DIPK1A: variants seen among roughly 807,000 people sequenced by gnomAD.
DIPK1A encodes family with sequence similarity 69 member A.
DIPK1A carries 27 observed loss-of-function variants against 40.8 expected under a neutral mutation model. The ratio of observed to expected loss-of-function variants is 0.66; its 90% confidence interval spans 0.49 to 0.91. The LOEUF (loss-of-function observed/expected upper bound fraction) is 0.91, where lower values mean the gene tolerates loss of function less well. Among genes scored for constraint, DIPK1A ranks in the 40% least tolerant of loss-of-function variants. The pLI, the probability that DIPK1A is intolerant of heterozygous loss-of-function variation, is 0.00. For missense variants in DIPK1A, 412 were observed against 505.7 expected (o/e 0.81, Z 1.78); for synonymous variants, 166 against 171.3 (o/e 0.97, Z 0.24).
At chr1:92,833,199 T>C (rs1854797) in intron 4 of DIPK1A, 158,806 of 649,854 alleles carry the variant, frequency 0.24, 21,125 homozygotes, top group African/African-American at 0.33. Context: ...ATGAAACTAC[T>C]AGTCTGTGAC....
intron 1 of DIPK1A, among the ~76,000 whole-genome samples, chr1:92,960,274 C>G (rs551866589): frequency 6.6e-6 from 1 of 152,230 alleles, no homozygotes; most frequent in South Asian, 2.1e-4. Context: ...ATGACTTACA[C>G]ATACAATTTT....
chr1:92,889,941 T>C (rs1298045660), intron 1 of DIPK1A, among the ~76,000 whole-genome samples: 1 of 152,196 alleles, frequency 6.6e-6, no homozygotes, highest in Non-Finnish European at 1.5e-5. Context: ...TGAGCCACCA[T>C]GCCCAGCTGT....
chr1:92,855,579 C>G (rs1266479242), intron 2 of DIPK1A, among the ~76,000 whole-genome samples: 3 of 151,450 alleles, frequency 2.0e-5, no homozygotes, highest in African/African-American at 7.3e-5. Context: ...TGGTGTGTGC[C>G]TGTAGTCCCA....
rs901429197 is a variant in DIPK1A at position 92,872,935 on chromosome 1, C to G, written c.189+3361G>C. Among the ~76,000 whole-genome samples, 3 of 152,092 alleles carry G rather than the reference C, an allele frequency of 2.0e-5. No homozygotes were observed. In the East Asian group the frequency reaches 5.8e-4, roughly 29 times the overall value. On this transcript the variant is annotated intron_variant, in intron 2 of 4. Coordinates refer to ENST00000370310, the MANE Select transcript of DIPK1A (RefSeq NM_001006605.5). ...AGAGCCCCGGGAATTGGCAAATATC[C>G]CAACAGGATAACTGGCTGTATGCAT...
chr1:92,912,648 C>A (rs1352153524), intron 1 of DIPK1A, among the ~76,000 whole-genome samples: 3 of 152,098 alleles, frequency 2.0e-5, no homozygotes. Context: ...AGCTTAGAGT[C>A]CAACATTCTC....
At chr1:92,924,109 T>C (rs889999247) in intron 1 of DIPK1A, among the ~76,000 whole-genome samples, 3 of 152,184 alleles carry the variant, frequency 2.0e-5, no homozygotes, top group African/African-American at 7.2e-5. Flanking sequence ...AATTTATTCT[T>C]AAGTATTTTT....
At chr1:92,834,354 AAG>A (rs1378332524) in intron 4 of DIPK1A, among the ~76,000 whole-genome samples, 1 of 152,202 alleles carries the variant, frequency 6.6e-6, no homozygotes, top group Non-Finnish European at 1.5e-5. Context: ...CTCTTGTACT[AAG>A]AGCATTCTCA....
chr1:92,850,896 T>C lies in DIPK1A; in HGVS notation c.249A>G (p.Thr83=). ...AACATTTTCCAAAGTAAAGAGTTTC[T>C]GTAACACAAAGGCTGTTACATGCAG... is the stretch of plus-strand genomic sequence containing the variant. ...DGPACNSLCV[T]ETLYFGKCLS... Residue 83 remains threonine, a synonymous_variant, in exon 3 of 5, where the codon ACA becomes ACG. Coordinates refer to ENST00000370310, the MANE Select transcript of DIPK1A (RefSeq NM_001006605.5). The C allele has an allele frequency of 6.3e-7, 1 of 1,575,662 alleles. No homozygotes were observed. Among genetic ancestry groups the C allele is most frequent in the Middle Eastern group, 1.7e-4 (1 of 6,008 alleles).
At chr1:92,889,155 C>T (rs1417305347) in intron 1 of DIPK1A, among the ~76,000 whole-genome samples, 5 of 152,282 alleles carry the variant, frequency 3.3e-5, no homozygotes, top group South Asian at 4.1e-4. Context: ...CTATTCAAGT[C>T]TTTAATCCAT....
chr1:92,910,989 G>A (rs560439799), intron 1 of DIPK1A, among the ~76,000 whole-genome samples: 24 of 151,966 alleles, frequency 1.6e-4, no homozygotes, highest in Non-Finnish European at 3.2e-4. Flanking sequence ...CCATTCCCTG[G>A]CAACCGTTAA....
At chr1:92,837,598 T>G (rs1381141260), downstream of DIPK1A, 1 of 1,612,020 alleles carries the variant, frequency 6.2e-7, no homozygotes, top group Non-Finnish European at 8.5e-7. Context: ...GAAACAGTTC[T>G]CTCAATACAT....
rs541810607 is a variant in DIPK1A, at chr1:92,847,192, A to T, written c.465T>A (p.Ser155Arg). The change falls in exon 4 of 5, where the codon AGT becomes AGA. Residue 155 changes from serine to arginine, a missense_variant. Transcript: ENST00000370310. ...TVQKFKEMVY[S>R]LFKAKLGDQG... ...GAATGGGTATGCTTACCTTAAAGAG[A>T]CTATAGACCATTTCTTTAAATTTTT... The T allele has an allele frequency of 5.8e-6, 9 of 1,551,446 alleles. No homozygotes were observed. The highest frequency in any genetic ancestry group is 7.0e-6 in the Non-Finnish European group (8 of 1,146,890).
intron 1 of DIPK1A, among the ~76,000 whole-genome samples, chr1:92,938,049 A>G (rs1651009446): frequency 6.6e-6 from 1 of 152,246 alleles, no homozygotes; most frequent in Non-Finnish European, 1.5e-5. Context: ...TTAGAAATGA[A>G]CGATTTTCAA....
At chr1:92,870,192 C>T (rs1647769712) in intron 2 of DIPK1A, among the ~76,000 whole-genome samples, 1 of 151,914 alleles carries the variant, frequency 6.6e-6, no homozygotes, top group Non-Finnish European at 1.5e-5. Flanking sequence ...CTTTCAACAT[C>T]TTCATATATT....
intron 1 of DIPK1A, among the ~76,000 whole-genome samples, chr1:92,910,547 C>A (rs1649789915): frequency 6.6e-6 from 1 of 152,018 alleles, no homozygotes. Context: ...GTGCCAGTGA[C>A]TAGAGTGCAT....
intron 1 of DIPK1A, among the ~76,000 whole-genome samples, chr1:92,891,189 A>C (rs1482620189): frequency 6.6e-6 from 1 of 151,644 alleles, no homozygotes; most frequent in Non-Finnish European, 1.5e-5. Context: ...TTCTGATTTT[A>C]TTTATTTAGG....
chr1:92,958,411 C>T (rs1455732357), intron 1 of DIPK1A, among the ~76,000 whole-genome samples: 1 of 152,216 alleles, frequency 6.6e-6, no homozygotes, highest in Non-Finnish European at 1.5e-5. Flanking sequence ...TCTTTGACCC[C>T]ATCCAGTTAA....
At chr1:92,955,405 T>C (rs1651810463) in intron 1 of DIPK1A, among the ~76,000 whole-genome samples, 1 of 151,904 alleles carries the variant, frequency 6.6e-6, no homozygotes, top group Admixed American at 6.6e-5. Context: ...GGATGTTAAA[T>C]ATAGGGGAGG....
At position 92,860,786 on chromosome 1, in the gene DIPK1A, A is replaced by C. The variant is rs1016331218; in HGVS notation, c.190-9831T>G. Among the ~76,000 whole-genome samples, 4 of 152,108 alleles carry C rather than the reference A, an allele frequency of 2.6e-5. No individual in the cohort carries two copies. The East Asian group carries it at 7.7e-4, about 29-fold the overall frequency. ...GCGACAGAGCAAGACTGCATCTCAA[A>C]AAAAAGAAAAAAAAAGGCAGGGTTA... On this transcript the variant is annotated intron_variant, in intron 2 of 4. Transcript: ENST00000370310.
Sources: gnomAD v4.1 joint callset for allele counts (sites outside exome capture counted in the v4.1 genomes callset) on GRCh38, gnomAD v4.1.1 for gene constraint, MANE v1.5 for transcripts, NCBI Gene and HGNC (gene_info 2026-07-23, HGNC 2026-07-21) for gene names.